GAS7: variants seen among roughly 807,000 people sequenced by gnomAD.
The protein encoded by GAS7 is growth arrest-specific protein 7.
In GAS7, 28 loss-of-function variants were observed where a neutral mutation model predicts 71.1. The observed-to-expected ratio is 0.39, with a 90% CI of 0.29 to 0.54. GAS7 has a LOEUF of 0.54. GAS7 is among the 20% of genes least tolerant of loss of function. The pLI is 0.62. For synonymous variants in GAS7, 258 were observed against 245.8 expected, an observed-to-expected ratio of 1.05 and a Z score of -0.46; for missense variants, 436 against 627.8, an observed-to-expected ratio of 0.69 and a Z score of 3.27.
chr17:10,092,076 C>T (rs367810625), intron 1 of GAS7, among the ~76,000 whole-genome samples: 74 of 152,314 alleles, frequency 4.9e-4, no homozygotes, highest in African/African-American at 1.6e-3. Context: ...CGTTTCTCCC[C>T]CTATTCCAGA....
intron 1 of GAS7, among the ~76,000 whole-genome samples, chr17:10,168,900 G>A (rs781177791): frequency 2.0e-5 from 3 of 149,070 alleles, no homozygotes; most frequent in Non-Finnish European, 3.0e-5. Context: ...AACATGGGAG[G>A]CAGAGCTTGC....
chr17:10,064,353 T>A (rs2073256617), intron 1 of GAS7, among the ~76,000 whole-genome samples: 1 of 152,142 alleles, frequency 6.6e-6, no homozygotes, highest in Admixed American at 6.5e-5. Flanking sequence ...TCTCGTAGCA[T>A]CTGTATGCTG....
intron 13 of GAS7, among the ~76,000 whole-genome samples, 158 bp downstream of exon 13, chr17:9,917,843 C>T (rs1182875264): frequency 6.6e-6 from 1 of 152,204 alleles, no homozygotes; most frequent in Non-Finnish European, 1.5e-5. Context: ...CCTGAGAGGC[C>T]CAGTCCACGA....
At chr17:10,191,923 A>G (rs967414137) in intron 1 of GAS7, among the ~76,000 whole-genome samples, 2 of 152,036 alleles carry the variant, frequency 1.3e-5, no homozygotes, top group African/African-American at 4.8e-5. Context: ...TAGTTTTGAC[A>G]TATGAAATTT....
At chr17:10,160,956 A>G in intron 1 of GAS7, among the ~76,000 whole-genome samples, 1 of 137,102 alleles carries the variant, frequency 7.3e-6, no homozygotes, top group South Asian at 2.6e-4. Flanking sequence ...ACACACACAC[A>G]CACACACACA....
At chr17:10,112,406 A>G (rs559386753) in intron 1 of GAS7, among the ~76,000 whole-genome samples, 1 of 152,230 alleles carries the variant, frequency 6.6e-6, no homozygotes, top group South Asian at 2.1e-4. Context: ...GAGAGAGAGG[A>G]GGGAAGTAGG....
At chr17:9,993,414 T>C (rs1389396651) in intron 2 of GAS7, among the ~76,000 whole-genome samples, 1 of 152,236 alleles carries the variant, frequency 6.6e-6, no homozygotes, top group Non-Finnish European at 1.5e-5. Flanking sequence ...TTTTGAGAAG[T>C]GTCTGTTCAT....
chr17:10,095,250 T>C lies in GAS7; in HGVS notation c.184-75353A>G, dbSNP rs867359855. 1.1e-4 allele frequency among the ~76,000 whole-genome samples: 16 copies of C among 152,356 alleles called. No homozygotes were observed. In the South Asian group the frequency reaches 1.7e-3, roughly 16 times the overall value. The stretch of plus-strand genomic sequence containing the variant: ...TCTAAACTTTGATTAGACAACATAA[T>C]ATACACAAAAATTGCATAACACATA... On this transcript the variant is annotated intron_variant, in intron 1 of 13. Coordinates refer to ENST00000432992, the MANE Select transcript of GAS7 (RefSeq NM_201433.2).
intron 1 of GAS7, among the ~76,000 whole-genome samples, chr17:10,091,814 AGG>A (rs2073585110): frequency 6.6e-6 from 1 of 152,100 alleles, no homozygotes; most frequent in Admixed American, 6.5e-5. Flanking sequence ...CCTGAGTAGC[AGG>A]GACTGCAGGC....
intron 2 of GAS7, among the ~76,000 whole-genome samples, chr17:10,001,235 T>A (rs148676154): frequency 6.6e-6 from 1 of 152,166 alleles, no homozygotes; most frequent in African/African-American, 2.4e-5. Flanking sequence ...GCAAGAGGGT[T>A]ATGCTAGGGA....
rs897220887 is a variant in GAS7, at chr17:10,198,011, T to G, written c.183+197A>C. On this transcript the variant is annotated intron_variant, in intron 1 of 13. Transcript: ENST00000432992. ...GGTGGAAGCTCCCCGCGAGTCCGCGTTGCCCACGCCCCGAGGGGCGCCCGC... is the reference window on the plus strand; with the variant it reads ...GGTGGAAGCTCCCCGCGAGTCCGCGGTGCCCACGCCCCGAGGGGCGCCCGC... Among the ~76,000 whole-genome samples the G allele has an allele frequency of 2.0e-5, 3 of 151,956 alleles. No individual in the cohort carries two copies. In the South Asian group the frequency reaches 6.2e-4, roughly 32 times the overall value.
intron 4 of GAS7, among the ~76,000 whole-genome samples, chr17:9,964,773 T>C (rs988055914): frequency 2.4e-4 from 36 of 152,160 alleles, no homozygotes; most frequent in African/African-American, 8.4e-4. Flanking sequence ...GCCATAAAAC[T>C]CCATCAACGC....
chr17:10,120,555 T>C (rs1298822531), intron 1 of GAS7, among the ~76,000 whole-genome samples: 1 of 152,024 alleles, frequency 6.6e-6, no homozygotes, highest in Non-Finnish European at 1.5e-5. Context: ...CTACTAAAAA[T>C]ACCAAAACTA....
At chr17:10,039,480 G>C (rs977055534) in intron 1 of GAS7, among the ~76,000 whole-genome samples, 2 of 152,044 alleles carry the variant, frequency 1.3e-5, no homozygotes, top group South Asian at 4.2e-4. Flanking sequence ...TCAGGAGTTC[G>C]AGACCAGCCT....
chr17:10,072,676 ACCC>A (rs2073352898), intron 1 of GAS7, among the ~76,000 whole-genome samples: 2 of 152,006 alleles, frequency 1.3e-5, no homozygotes, highest in South Asian at 4.1e-4. Context: ...TCTGTCCACA[ACCC>A]TACCCCGATC....
At chr17:10,161,312 C>T (rs1403301461) in intron 1 of GAS7, among the ~76,000 whole-genome samples, 1 of 152,188 alleles carries the variant, frequency 6.6e-6, no homozygotes, top group Admixed American at 6.5e-5. Context: ...TTCTGGTTCA[C>T]TGTAGTGAGA....
intron 2 of GAS7, among the ~76,000 whole-genome samples, chr17:9,990,776 T>G (rs1460574853): frequency 6.6e-6 from 1 of 152,142 alleles, no homozygotes; most frequent in East Asian, 1.9e-4. Context: ...GGGCAGTAGT[T>G]CTCAAAGTAT....
intron 1 of GAS7, among the ~76,000 whole-genome samples, chr17:10,106,572 G>A (rs2073758321): frequency 6.6e-6 from 1 of 152,122 alleles, no homozygotes; most frequent in Admixed American, 6.6e-5. Context: ...CATCTTTAGA[G>A]CATTAGACCT....
chr17:10,087,056 G>A (rs1044534371), intron 1 of GAS7, among the ~76,000 whole-genome samples: 1 of 152,200 alleles, frequency 6.6e-6, no homozygotes, highest in African/African-American at 2.4e-5. Flanking sequence ...GACTGATCAG[G>A]GTCTGTGAAA....
Sources: allele counts gnomAD v4.1 joint callset (sites outside exome capture counted in the v4.1 genomes callset), GRCh38; gene constraint gnomAD v4.1.1; transcripts MANE v1.5; gene names NCBI Gene and HGNC (gene_info 2026-07-23, HGNC 2026-07-21).